TMC5: variants seen among roughly 807,000 people sequenced by gnomAD.
The protein encoded by TMC5 is transmembrane channel-like protein 5.
Under a neutral mutation model 110.5 loss-of-function variants are expected in TMC5, and 86 were observed. The ratio of observed to expected loss-of-function variants is 0.78; its 90% confidence interval spans 0.65 to 0.93. TMC5 has a LOEUF of 0.93. Ranked by LOEUF, TMC5 falls within the 40% of genes least tolerant of loss-of-function variation. The probability of loss-of-function intolerance (pLI) is 0.00; values close to 1 mark genes in which losing one functional copy is unlikely to be tolerated. For missense variants in TMC5, 1,144 were observed against 1,222.8 expected, an observed-to-expected ratio of 0.94 and a Z score of 0.96; for synonymous variants, 455 against 439.5, an observed-to-expected ratio of 1.04 and a Z score of -0.44.
chr16:19,458,901 C>G (rs1307794404), intron 5 of TMC5, among the ~76,000 whole-genome samples: 1 of 152,194 alleles, frequency 6.6e-6, no homozygotes, highest in Non-Finnish European at 1.5e-5. Flanking sequence ...AGCTTGCTCC[C>G]TCTGTCCCTC....
At position 19,433,606 on chromosome 16, in the gene TMC5, T is replaced by A. The variant is rs567234054; in HGVS notation, c.-80+2966T>A. 2.6e-5 allele frequency among the ~76,000 whole-genome samples: 4 copies of A among 152,236 alleles called. No homozygotes were observed. In the South Asian group the frequency reaches 8.3e-4, roughly 32 times the overall value. On this transcript the variant is annotated intron_variant, in intron 2 of 21. Transcript: ENST00000542583. ...ATGATAAATTATTTTCAGAAATTGA[T>A]CTTGGGAGGAAGTGTAGTCCTCTTG...
intron 6 of TMC5, among the ~76,000 whole-genome samples, chr16:19,462,910 AAAAG>A (rs1441227578): frequency 2.0e-5 from 3 of 151,912 alleles, no homozygotes; most frequent in South Asian, 2.1e-4. Flanking sequence ...AAAAAAAAAA[AAAAG>A]AAAAAGGAAG....
intron 18 of TMC5, 29 bp downstream of exon 18, chr16:19,490,597 G>A (rs769693725): frequency 6.2e-6 from 10 of 1,612,736 alleles, no homozygotes; most frequent in African/African-American, 2.7e-5. Flanking sequence ...GAATCTAGCA[G>A]GGAAAGCCAG....
intron 5 of TMC5, chr16:19,456,862 GA>G: frequency 6.2e-7 from 1 of 1,614,174 alleles, no homozygotes; most frequent in Non-Finnish European, 8.5e-7. Context: ...ACATTGATGT[GA>G]TAGACTCTCA....
intron 5 of TMC5, among the ~76,000 whole-genome samples, chr16:19,451,876 G>A (rs1007905641): frequency 6.6e-6 from 1 of 152,176 alleles, no homozygotes; most frequent in Non-Finnish European, 1.5e-5. Context: ...TCAGCTCACT[G>A]CAACATCCGC....
At chr16:19,412,468 C>A (rs1966858098) in intron 1 of TMC5, among the ~76,000 whole-genome samples, 1 of 152,046 alleles carries the variant, frequency 6.6e-6, no homozygotes, top group Admixed American at 6.6e-5. Context: ...CAGGTTCAAG[C>A]AATTCTCCTG....
chr16:19,431,740 T>A (rs1176119415), intron 2 of TMC5, among the ~76,000 whole-genome samples: 1 of 152,074 alleles, frequency 6.6e-6, no homozygotes, highest in Non-Finnish European at 1.5e-5. Flanking sequence ...TTTGGACAAT[T>A]CACAGGCTTC....
intron 10 of TMC5, among the ~76,000 whole-genome samples, chr16:19,470,711 A>C (rs775816078): frequency 1.9e-4 from 26 of 135,722 alleles, no homozygotes; most frequent in Non-Finnish European, 3.2e-4. Flanking sequence ...GTCTATAGAC[A>C]CAAACTTATT....
chr16:19,484,751 G>A (rs531198625), intron 15 of TMC5, among the ~76,000 whole-genome samples: 4 of 142,220 alleles, frequency 2.8e-5, no homozygotes, highest in East Asian at 4.1e-4. Context: ...GAGATAGAAC[G>A]ACACTCCGTC....
At chr16:19,463,449 A>T in intron 7 of TMC5, 82 bp downstream of exon 7, 1 of 1,178,054 alleles carries the variant, frequency 8.5e-7, no homozygotes, top group Non-Finnish European at 1.3e-6. Context: ...CAGGGGGAAG[A>T]TGAACCAAAA....
chr16:19,414,408 G>T (rs1432924494), upstream of TMC5, among the ~76,000 whole-genome samples: 2 of 152,118 alleles, frequency 1.3e-5, no homozygotes, highest in Non-Finnish European at 2.9e-5. Context: ...GAAAAACTCT[G>T]CTAATTCACC....
intron 15 of TMC5, among the ~76,000 whole-genome samples, chr16:19,486,243 C>A (rs571446516): frequency 6.6e-6 from 1 of 152,082 alleles, no homozygotes; most frequent in Admixed American, 6.5e-5. Flanking sequence ...GATCAAGGTG[C>A]GGGTGGGGTT....
chr16:19,456,577 G>A (rs1400203983), intron 5 of TMC5: 9 of 1,454,202 alleles, frequency 6.2e-6, no homozygotes, highest in Non-Finnish European at 8.2e-6. Context: ...TAAAAATAAT[G>A]TGAATGGTGT....
At chr16:19,436,932 A>C (rs951373304) in intron 2 of TMC5, among the ~76,000 whole-genome samples, 2 of 152,118 alleles carry the variant, frequency 1.3e-5, no homozygotes, top group Non-Finnish European at 2.9e-5. Context: ...TAATCCTAGC[A>C]CTTTGGGAGG....
At chr16:19,490,711 TTTCCTTCCTTCC>T (rs150837460) in intron 18 of TMC5, 143 bp downstream of exon 18, 9,783 of 389,138 alleles carry the variant, frequency 0.025, 1,068 homozygotes, top group East Asian at 0.09. Context: ...GGTAGTTTTC[TTTCCTTCCTTCC>T]TTCCTTCCTT....
intron 12 of TMC5, among the ~76,000 whole-genome samples, chr16:19,475,854 G>A (rs1968476981): frequency 6.8e-6 from 1 of 148,068 alleles, no homozygotes; most frequent in Non-Finnish European, 1.5e-5. Context: ...GCCCAGGCTG[G>A]AGTGCGGTGG....
Position 19,460,321 on chromosome 16 carries a change from A to G in TMC5, c.1135A>G (p.Lys379Glu), listed in dbSNP as rs1300226987. The G allele has an allele frequency of 6.2e-6, 10 of 1,612,520 alleles. No homozygotes were observed. The highest frequency in any genetic ancestry group is 1.3e-5 in the African/African-American group (1 of 74,918). Reference sequence around the variant, plus strand: ...GAACCAGCCAAGGACCATGGAAGAGAAAAGGAACCTTAGGTATGGACTAAA... The same window carrying G: ...GAACCAGCCAAGGACCATGGAAGAGGAAAGGAACCTTAGGTATGGACTAAA... ...IRNQPRTMEE[K>E]RNLRKIVDKE... The change falls in exon 6 of 22, where the codon AAA (lysine) becomes GAA (glutamate). Residue 379 changes from lysine (K) to glutamate (E), a missense_variant. Lys to Glu is a moderately conservative substitution (Grantham distance 56, BLOSUM62 1). Transcript: ENST00000542583.
intron 1 of TMC5, among the ~76,000 whole-genome samples, chr16:19,427,306 G>T (rs755399988): frequency 6.6e-6 from 1 of 152,160 alleles, no homozygotes; most frequent in Non-Finnish European, 1.5e-5. Flanking sequence ...AAATTTAATA[G>T]TTGGGCACAG....
rs1967831980 is a variant in TMC5, at chr16:19,455,000, G to T, written c.1049-5235G>T. On this transcript the variant is annotated intron_variant, in intron 5 of 21. Coordinates refer to ENST00000542583, the MANE Select transcript of TMC5 (RefSeq NM_001261841.2). Reference sequence around the variant, plus strand: ...TAAAAAAAAACAAATAGCTGGGCATGGTGGTGCCCCTGTGGTCCCAGATAC... The same window carrying T: ...TAAAAAAAAACAAATAGCTGGGCATTGTGGTGCCCCTGTGGTCCCAGATAC... 3.3e-5 allele frequency among the ~76,000 whole-genome samples: 5 copies of T among 152,042 alleles called. No homozygotes were observed. In the South Asian group the frequency reaches 1.0e-3, roughly 32 times the overall value.
Sources: gnomAD v4.1 joint callset for allele counts (sites outside exome capture counted in the v4.1 genomes callset) on GRCh38, gnomAD v4.1.1 for gene constraint, MANE v1.5 for transcripts, NCBI Gene and HGNC (gene_info 2026-07-23, HGNC 2026-07-21) for gene names.